Variants in MBD5 observed in about 807,000 individuals in gnomAD.
The protein encoded by MBD5 is methyl-CpG-binding domain protein 5.
MBD5 carries 13 observed loss-of-function variants against 117.3 expected under a neutral mutation model. That is an observed-to-expected ratio of 0.11 (90% CI 0.07 to 0.18). MBD5 has a LOEUF of 0.18. Ranked by LOEUF, MBD5 falls within the 10% of genes least tolerant of loss-of-function variation. MBD5 has a pLI of 1.00. For synonymous variants in MBD5, 727 were observed against 766.4 expected (o/e 0.95, Z 0.85); for missense variants, 1,879 against 2,093.8 (o/e 0.90, Z 2.00).
intron 1 of MBD5, among the ~76,000 whole-genome samples, chr2:148,173,149 C>T (rs974201960): frequency 3.3e-5 from 5 of 152,196 alleles, no homozygotes; most frequent in African/African-American, 7.2e-5. Flanking sequence ...ACAATGCGGG[C>T]GACTAGAAAG....
chr2:148,375,020 A>G (rs983676209), intron 4 of MBD5, among the ~76,000 whole-genome samples: 9 of 152,170 alleles, frequency 5.9e-5, no homozygotes, highest in African/African-American at 1.9e-4. Context: ...GTGTATAAAT[A>G]TTATGCTAAA....
At chr2:148,147,563 T>A (rs976748283) in intron 1 of MBD5, among the ~76,000 whole-genome samples, 1 of 152,128 alleles carries the variant, frequency 6.6e-6, no homozygotes, top group Non-Finnish European at 1.5e-5. Context: ...TTTAAGTAAA[T>A]GTTAACTGTC....
At chr2:148,225,293 C>T (rs1160544611) in intron 2 of MBD5, among the ~76,000 whole-genome samples, 3 of 142,984 alleles carry the variant, frequency 2.1e-5, no homozygotes, top group African/African-American at 5.0e-5. Flanking sequence ...AACAACTTAA[C>T]ACTGTTTACA....
At chr2:148,218,885 C>T (rs930316759) in intron 2 of MBD5, among the ~76,000 whole-genome samples, 2 of 152,038 alleles carry the variant, frequency 1.3e-5, no homozygotes, top group East Asian at 1.9e-4. Context: ...TGAGTGAATG[C>T]GAAGGCCTAG....
intron 1 of MBD5, among the ~76,000 whole-genome samples, chr2:148,116,488 G>T (rs533449814): frequency 1.3e-5 from 2 of 152,192 alleles, no homozygotes; most frequent in South Asian, 4.1e-4. Context: ...TTCATCTGTT[G>T]CTTCTCAGAT....
intron 10 of MBD5, 35 bp from the exon 11 acceptor site, chr2:148,489,351 C>T: frequency 1.2e-6 from 2 of 1,613,350 alleles, no homozygotes; most frequent in Non-Finnish European, 1.7e-6. Context: ...AAATTATTTC[C>T]CTTTCTCTCA....
At chr2:148,184,903 G>A (rs1229704832) in intron 2 of MBD5, among the ~76,000 whole-genome samples, 6 of 152,008 alleles carry the variant, frequency 3.9e-5, no homozygotes, top group Admixed American at 2.0e-4. Flanking sequence ...CCATCTCTCC[G>A]CTTCTCCCTG....
chr2:148,046,660 T>C (rs1157519161), intron 1 of MBD5, among the ~76,000 whole-genome samples: 2 of 152,196 alleles, frequency 1.3e-5, no homozygotes, highest in East Asian at 1.9e-4. Flanking sequence ...CGCTCAGTTC[T>C]ATCTTTGTGT....
At chr2:148,252,900 G>A (rs1295248158) in intron 3 of MBD5, among the ~76,000 whole-genome samples, 2 of 152,142 alleles carry the variant, frequency 1.3e-5, no homozygotes, top group Non-Finnish European at 2.9e-5. Context: ...ATGTTTATTG[G>A]AAGAATCTCA....
intron 3 of MBD5, among the ~76,000 whole-genome samples, chr2:148,308,956 A>T (rs148128947): frequency 4.1e-4 from 62 of 152,240 alleles, no homozygotes; most frequent in Non-Finnish European, 1.8e-4. Flanking sequence ...CAAAGATCAG[A>T]TAGTTGTAGA....
chr2:148,051,109 G>T lies in MBD5; in HGVS notation c.-925+29425G>T, dbSNP rs1022487985. On this transcript the variant is annotated intron_variant, in intron 1 of 13. Transcript: ENST00000642680. ...CCTTTAATTTTTTAAACAGTGTTTT[G>T]TAGTTTTCAGTGGACAAGTCTTACA... Among the ~76,000 whole-genome samples, 12 of 151,894 alleles carry T rather than the reference G, an allele frequency of 7.9e-5. 1 individual carries two copies. Among genetic ancestry groups the T allele is most frequent in the Admixed American group, 5.2e-4 (8 of 15,254 alleles).
At chr2:148,284,040 T>A (rs1414413328) in intron 3 of MBD5, among the ~76,000 whole-genome samples, 1 of 152,232 alleles carries the variant, frequency 6.6e-6, no homozygotes, top group Non-Finnish European at 1.5e-5. Context: ...TATAACAACA[T>A]AGATACAGAT....
At chr2:148,463,160 T>C (rs1418499890) in intron 6 of MBD5, among the ~76,000 whole-genome samples, 2 of 152,178 alleles carry the variant, frequency 1.3e-5, no homozygotes, top group Non-Finnish European at 2.9e-5. Context: ...TAAAATATTA[T>C]TTGCTATAGA....
intron 3 of MBD5, among the ~76,000 whole-genome samples, chr2:148,295,285 G>A (rs961863110): frequency 6.6e-6 from 1 of 151,976 alleles, no homozygotes; most frequent in Admixed American, 6.6e-5. Context: ...CTATCATCGT[G>A]TTCACTGATT....
chr2:148,103,004 GAA>G (rs1696271793), intron 1 of MBD5, among the ~76,000 whole-genome samples: 1 of 151,892 alleles, frequency 6.6e-6, no homozygotes, highest in South Asian at 2.1e-4. Flanking sequence ...AACTCACCAA[GAA>G]AAGATAGATG....
At chr2:148,207,354 G>C (rs1160705102) in intron 2 of MBD5, among the ~76,000 whole-genome samples, 5 of 151,742 alleles carry the variant, frequency 3.3e-5, no homozygotes, top group Admixed American at 2.0e-4. Context: ...GCAGTGCAAG[G>C]GAGTGCCTGG....
At chr2:148,223,887 G>T (rs1388631296) in intron 2 of MBD5, among the ~76,000 whole-genome samples, 1 of 151,744 alleles carries the variant, frequency 6.6e-6, no homozygotes, top group Non-Finnish European at 1.5e-5. Flanking sequence ...TTAGTACTAC[G>T]TTTGCTATAT....
At chr2:148,135,202 A>C (rs1225865259) in intron 1 of MBD5, among the ~76,000 whole-genome samples, 1 of 152,212 alleles carries the variant, frequency 6.6e-6, no homozygotes, top group African/African-American at 2.4e-5. Context: ...GTTTACCAAA[A>C]TATGTCCGGT....
chr2:148,152,424 G>T (rs1291517444), intron 1 of MBD5, among the ~76,000 whole-genome samples: 8 of 152,136 alleles, frequency 5.3e-5, no homozygotes, highest in South Asian at 2.1e-4. Flanking sequence ...TGTTGATTTG[G>T]GGTGGAGAGT....
Sources: allele counts gnomAD v4.1 joint callset (sites outside exome capture counted in the v4.1 genomes callset), GRCh38; gene constraint gnomAD v4.1.1; transcripts MANE v1.5; gene names NCBI Gene and HGNC (gene_info 2026-07-23, HGNC 2026-07-21).